RGPD2: variants seen among roughly 807,000 people sequenced by gnomAD.
RGPD2 encodes RANBP2 like and GRIP domain containing 2, also known as RANBP2-like and GRIP domain-containing protein 2.
RGPD2 carries 2 observed loss-of-function variants against 36.0 expected under a neutral mutation model. The ratio of observed to expected loss-of-function variants is 0.06; its 90% CI spans 0.02 to 0.17. The LOEUF (loss-of-function observed/expected upper bound fraction) is 0.17, where lower values mean the gene tolerates loss of function less well. Among genes scored for constraint, RGPD2 ranks in the 10% least tolerant of loss-of-function variants. The probability of loss-of-function intolerance (pLI) is 1.00; values close to 1 mark genes in which losing one functional copy is unlikely to be tolerated. For synonymous variants in RGPD2, 19 were observed against 163.8 expected, an observed-to-expected ratio of 0.12 and a Z score of 6.75; for missense variants, 40 against 464.3, an observed-to-expected ratio of 0.09 and a Z score of 8.40.
At chr2:87,870,156 G>A in the RGPD2 span, among the ~76,000 whole-genome samples, 1 of 152,272 alleles carries the variant, frequency 6.6e-6, no homozygotes, top group Non-Finnish European at 1.5e-5. Flanking sequence ...TTTTTTAAAT[G>A]TTATGTATTT....
the RGPD2 span, among the ~76,000 whole-genome samples, chr2:87,983,132 C>A: frequency 6.7e-6 from 1 of 149,842 alleles, no homozygotes; most frequent in African/African-American, 2.5e-5. Context: ...CCAGCATAGC[C>A]CACATGGCAA....
the RGPD2 span, among the ~76,000 whole-genome samples, chr2:87,866,383 C>G: frequency 6.6e-6 from 1 of 152,018 alleles, no homozygotes; most frequent in African/African-American, 2.4e-5. Flanking sequence ...AACAAATTTC[C>G]TGATTAAATT....
the RGPD2 span, among the ~76,000 whole-genome samples, chr2:87,884,096 T>C: frequency 3.5e-4 from 53 of 152,234 alleles, no homozygotes; most frequent in African/African-American, 1.3e-3. Flanking sequence ...ATATCAAGTA[T>C]CATTTTCCAT....
the RGPD2 span, among the ~76,000 whole-genome samples, chr2:87,988,547 T>TTTG: frequency 3.0e-5 from 1 of 33,082 alleles, no homozygotes; most frequent in African/African-American, 5.0e-5. Flanking sequence ...ATATATTTTT[T>TTTG]TTTTTTCTTT....
chr2:87,921,219 T>C, the RGPD2 span, among the ~76,000 whole-genome samples: 1 of 152,078 alleles, frequency 6.6e-6, no homozygotes, highest in African/African-American at 2.4e-5. Context: ...GAGCAAACTA[T>C]AAACCTGCAA....
At chr2:87,827,352 A>T (rs1335293967), upstream of RGPD2, among the ~76,000 whole-genome samples, 7 of 151,946 alleles carry the variant, frequency 4.6e-5, no homozygotes, top group African/African-American at 1.7e-4. Context: ...ATAGTAGAAT[A>T]AAAAAAACTT....
At chr2:87,864,272 C>T in the RGPD2 span, among the ~76,000 whole-genome samples, 1 of 152,398 alleles carries the variant, frequency 6.6e-6, no homozygotes, top group South Asian at 2.1e-4. Context: ...TGAATTCACT[C>T]TCTATGCTTC....
chr2:87,864,906 G>C, the RGPD2 span, among the ~76,000 whole-genome samples: 5 of 152,262 alleles, frequency 3.3e-5, no homozygotes, highest in Admixed American at 6.5e-5. Flanking sequence ...TCTGTACCTT[G>C]GTTTTCTTCC....
the RGPD2 span, among the ~76,000 whole-genome samples, chr2:87,861,870 G>GTA: frequency 2.0e-5 from 2 of 100,364 alleles, no homozygotes; most frequent in Non-Finnish European, 4.0e-5. Flanking sequence ...ATATATATGT[G>GTA]TATATATATG....
At chr2:87,929,468 G>GTT in the RGPD2 span, among the ~76,000 whole-genome samples, 493 of 103,842 alleles carry the variant, frequency 4.7e-3, no homozygotes, top group East Asian at 0.032. Context: ...CTCCAGCTTT[G>GTT]TTTTTTTTGT....
the RGPD2 span, among the ~76,000 whole-genome samples, chr2:87,911,486 A>T: frequency 6.6e-6 from 1 of 152,006 alleles, no homozygotes; most frequent in African/African-American, 2.4e-5. Context: ...GTTGCACCTG[A>T]AGTAAATTAA....
chr2:87,985,825 G>T, the RGPD2 span: 2 of 1,611,146 alleles, frequency 1.2e-6, no homozygotes, highest in South Asian at 1.1e-5. Flanking sequence ...GGTCCTACTG[G>T]AGCACTGTGG....
At chr2:87,847,151 TTGA>T in the RGPD2 span, among the ~76,000 whole-genome samples, 1 of 152,216 alleles carries the variant, frequency 6.6e-6, no homozygotes. Context: ...TTGATTTTAC[TTGA>T]TGATATATGT....
At chr2:87,842,638 A>G in the RGPD2 span, among the ~76,000 whole-genome samples, 1 of 149,980 alleles carries the variant, frequency 6.7e-6, no homozygotes, top group Non-Finnish European at 1.5e-5. Context: ...ATACTGCCCA[A>G]GGTAATGTAT....
chr2:87,911,483 C>G, the RGPD2 span, among the ~76,000 whole-genome samples: 1 of 151,432 alleles, frequency 6.6e-6, no homozygotes, highest in African/African-American at 2.4e-5. Flanking sequence ...AATGTTGCAC[C>G]TGAAGTAAAT....
the RGPD2 span, among the ~76,000 whole-genome samples, chr2:87,872,998 T>A: frequency 6.6e-6 from 1 of 152,284 alleles, no homozygotes; most frequent in Non-Finnish European, 1.5e-5. Flanking sequence ...GACCTCATGA[T>A]CCACCCTCTT....
At chr2:87,915,687 C>T in the RGPD2 span, among the ~76,000 whole-genome samples, 1 of 146,566 alleles carries the variant, frequency 6.8e-6, no homozygotes, top group Non-Finnish European at 1.5e-5. Context: ...CCTTTTCAAC[C>T]ATATTCCACT....
At chr2:87,875,729 C>T in the RGPD2 span, among the ~76,000 whole-genome samples, 1 of 152,262 alleles carries the variant, frequency 6.6e-6, no homozygotes, top group Non-Finnish European at 1.5e-5. Context: ...ATGATGCTGG[C>T]CTCATAAATG....
the RGPD2 span, among the ~76,000 whole-genome samples, chr2:87,847,568 G>A: frequency 2.0e-5 from 3 of 148,700 alleles, no homozygotes; most frequent in Non-Finnish European, 3.0e-5. Context: ...GCGCAATCTC[G>A]ACTCACTGTA....
Sources: gnomAD v4.1 joint callset for allele counts (sites outside exome capture counted in the v4.1 genomes callset) on GRCh38, gnomAD v4.1.1 for gene constraint, MANE v1.5 for transcripts, NCBI Gene and HGNC (gene_info 2026-07-23, HGNC 2026-07-21) for gene names.